Variants in PTPRN2 observed in about 807,000 individuals in gnomAD.
PTPRN2 encodes the protein receptor-type tyrosine-protein phosphatase N2.
PTPRN2 carries 74 observed loss-of-function variants against 118.8 expected under a neutral mutation model. The observed-to-expected ratio is 0.62, with a 90% confidence interval of 0.52 to 0.76. The LOEUF is 0.76. PTPRN2 is among the 30% of genes least tolerant of loss of function. PTPRN2 has a pLI of 0.00. For missense variants in PTPRN2, 1,481 were observed against 1,394.4 expected, an observed-to-expected ratio of 1.06 and a Z score of -0.99; for synonymous variants, 641 against 608.0, an observed-to-expected ratio of 1.05 and a Z score of -0.80.
At chr7:157,620,891 G>C (rs10267847) in intron 15 of PTPRN2, among the ~76,000 whole-genome samples, 25,645 of 148,404 alleles carry the variant, frequency 0.17, 3,377 homozygotes, top group African/African-American at 0.37. Flanking sequence ...CTCCCTCCCC[G>C]GGGACTGGTA....
chr7:157,564,925 G>T (rs1355478170), intron 21 of PTPRN2, among the ~76,000 whole-genome samples: 1 of 152,210 alleles, frequency 6.6e-6, no homozygotes, highest in Non-Finnish European at 1.5e-5. Flanking sequence ...ATACACAAAT[G>T]AATCCACAAA....
chr7:158,034,510 G>A (rs967302600), intron 11 of PTPRN2, among the ~76,000 whole-genome samples: 4 of 152,116 alleles, frequency 2.6e-5, no homozygotes, highest in Non-Finnish European at 5.9e-5. Flanking sequence ...TGCCATCCAT[G>A]TAAGACGGGA....
At chr7:158,102,186 C>G (rs556719847) in intron 10 of PTPRN2, among the ~76,000 whole-genome samples, 1 of 152,280 alleles carries the variant, frequency 6.6e-6, no homozygotes, top group African/African-American at 2.4e-5. Flanking sequence ...GCAGGGCGGC[C>G]AGGAGGGAAC....
intron 11 of PTPRN2, among the ~76,000 whole-genome samples, chr7:157,966,990 G>A (rs1027905417): frequency 2.0e-5 from 3 of 152,224 alleles, no homozygotes; most frequent in Admixed American, 1.3e-4. Flanking sequence ...TTTGGCTGCT[G>A]TTGTAACAAA....
intron 4 of PTPRN2, among the ~76,000 whole-genome samples, chr7:158,196,760 C>T (rs1190308329): frequency 6.6e-6 from 1 of 152,210 alleles, no homozygotes; most frequent in African/African-American, 2.4e-5. Flanking sequence ...TAGATTTCTC[C>T]TTGAGAAGTG....
chr7:158,125,008 G>A (rs1191397474), intron 9 of PTPRN2, among the ~76,000 whole-genome samples: 1 of 152,226 alleles, frequency 6.6e-6, no homozygotes, highest in Non-Finnish European at 1.5e-5. Context: ...GAAGGGAAGA[G>A]GGGAGAAGGG....
At chr7:158,552,456 T>C (rs1391793998) in intron 1 of PTPRN2, among the ~76,000 whole-genome samples, 1 of 152,218 alleles carries the variant, frequency 6.6e-6, no homozygotes, top group African/African-American at 2.4e-5. Flanking sequence ...GACTAGGTCT[T>C]ACTCTGTAGC....
At chr7:157,805,860 A>T (rs975481652) in intron 12 of PTPRN2, among the ~76,000 whole-genome samples, 1 of 152,154 alleles carries the variant, frequency 6.6e-6, no homozygotes, top group Admixed American at 6.5e-5. Context: ...CTGAGGCAGG[A>T]GGGACCCGAG....
chr7:157,840,470 G>A (rs1286410001), intron 12 of PTPRN2, among the ~76,000 whole-genome samples: 2 of 151,968 alleles, frequency 1.3e-5, no homozygotes, highest in African/African-American at 4.8e-5. Context: ...GTGACTGTGT[G>A]GCCACGTGTG....
At chr7:158,181,419 C>G (rs1457163586) in intron 5 of PTPRN2, among the ~76,000 whole-genome samples, 1 of 151,980 alleles carries the variant, frequency 6.6e-6, no homozygotes, top group East Asian at 1.9e-4. Context: ...TTATTTTATC[C>G]CTGATTTTAG....
At chr7:158,180,892 T>C (rs1393966679) in intron 5 of PTPRN2, among the ~76,000 whole-genome samples, 1 of 152,148 alleles carries the variant, frequency 6.6e-6, no homozygotes, top group Non-Finnish European at 1.5e-5. Context: ...CAAACAGCAA[T>C]AGTTTGACTT....
intron 12 of PTPRN2, among the ~76,000 whole-genome samples, chr7:157,766,356 A>G (rs1318446963): frequency 1.3e-5 from 2 of 148,964 alleles, no homozygotes; most frequent in African/African-American, 5.0e-5. Context: ...TCCATCATCC[A>G]TCTACCCATC....
At chr7:157,786,499 G>A (rs1563107250) in intron 12 of PTPRN2, among the ~76,000 whole-genome samples, 1 of 152,226 alleles carries the variant, frequency 6.6e-6, no homozygotes, top group Non-Finnish European at 1.5e-5. Flanking sequence ...GATGGCACTG[G>A]AAACTGGGCT....
intron 11 of PTPRN2, among the ~76,000 whole-genome samples, chr7:158,062,354 G>A (rs1810409826): frequency 6.6e-6 from 1 of 152,238 alleles, no homozygotes; most frequent in Non-Finnish European, 1.5e-5. Context: ...ACATGTGTGT[G>A]GGGCTCTGCA....
At chr7:158,465,819 C>A (rs757643108) in intron 2 of PTPRN2, among the ~76,000 whole-genome samples, 21 of 152,186 alleles carry the variant, frequency 1.4e-4, no homozygotes, top group Non-Finnish European at 2.8e-4. Flanking sequence ...CAAACCTGGT[C>A]TCTGATCACG....
At chr7:157,908,214 C>T (rs901509587) in intron 11 of PTPRN2, among the ~76,000 whole-genome samples, 9 of 152,300 alleles carry the variant, frequency 5.9e-5, no homozygotes, top group East Asian at 1.9e-4. Context: ...GTGCCGGGCC[C>T]GGCCTGGGAG....
intron 10 of PTPRN2, among the ~76,000 whole-genome samples, chr7:158,085,127 C>T (rs1813208972): frequency 7.1e-6 from 1 of 141,260 alleles, no homozygotes; most frequent in African/African-American, 2.7e-5. Context: ...GACGCCCATC[C>T]ACACCCACCA....
Position 157,893,343 on chromosome 7 carries a change from G to C in PTPRN2, c.1788+5330C>G, listed in dbSNP as rs1006213421. ...GAAGCAGAGGTGTGGTGCTGTGCAG[G>C]TGAGCTCCTGCCTCTGCCCTCAGCC... On this transcript the variant is annotated intron_variant, in intron 12 of 22. Coordinates refer to ENST00000389418, the MANE Select transcript of PTPRN2 (RefSeq NM_002847.5). The surrounding 1 kb of genome is among the most constrained non-coding windows in gnomAD (Gnocchi z 4.0). Among the ~76,000 whole-genome samples, 25 of 152,220 alleles carry C rather than the reference G, an allele frequency of 1.6e-4. No individual in the cohort carries two copies. The highest frequency in any genetic ancestry group is 1.6e-3 in the Admixed American group (25 of 15,290).
At chr7:157,730,062 A>T (rs542323088) in intron 12 of PTPRN2, among the ~76,000 whole-genome samples, 11 of 152,190 alleles carry the variant, frequency 7.2e-5, no homozygotes, top group African/African-American at 2.7e-4. Flanking sequence ...TACAATAACG[A>T]TATGGGCTTA....
Sources: allele counts gnomAD v4.1 joint callset (sites outside exome capture counted in the v4.1 genomes callset), GRCh38; gene constraint gnomAD v4.1.1; non-coding constraint Gnocchi (gnomAD v3.1); transcripts MANE v1.5; gene names NCBI Gene and HGNC (gene_info 2026-07-23, HGNC 2026-07-21).